The following BARD1 variants were observed in gnomAD, a reference collection of about 807,000 sequenced individuals.
BARD1 encodes the protein BRCA1 associated RING domain 1.
Under a neutral mutation model 77.0 loss-of-function variants are expected in BARD1, and 73 were observed. That is an observed-to-expected ratio of 0.95 (90% CI 0.79 to 1.15). BARD1 has a LOEUF of 1.15. Ranked by LOEUF, BARD1 falls within the 50% of genes most tolerant of loss-of-function variation. BARD1 has a pLI of 0.00. For missense variants in BARD1, 993 were observed against 938.8 expected (o/e 1.06, Z -0.75); for synonymous variants, 384 against 338.0 (o/e 1.14, Z -1.49).
chr2:214,796,876 T>C, intron 2 of BARD1, 185 bp downstream of exon 2: 1 of 604,900 alleles, frequency 1.7e-6, no homozygotes, highest in South Asian at 2.1e-5. Context: ...CTTTGAGCTT[T>C]GGTTTTCTTA....
chr2:214,756,844 G>A (rs1042272909), intron 6 of BARD1, among the ~76,000 whole-genome samples: 7 of 152,080 alleles, frequency 4.6e-5, no homozygotes, highest in African/African-American at 1.4e-4. Flanking sequence ...GTGGGAAGGT[G>A]GTGAAGGATA....
At chr2:214,751,131 ATATATATATATATATATATAT>A (rs1559392954) in intron 7 of BARD1, among the ~76,000 whole-genome samples, 7 of 35,564 alleles carry the variant, frequency 2.0e-4, no homozygotes, top group Non-Finnish European at 3.2e-4. Flanking sequence ...ATATATATAT[ATATATATATATATATATATAT>A]TTTTTTTTTT....
rs1057523211 is a variant in BARD1, at chr2:214,728,916, A to G, written c.2094T>C (p.Gly698=). 6.2e-7 allele frequency: 1 copy of G among 1,614,134 alleles called. No homozygotes were observed. The change falls in exon 11 of 11, where the codon GGT becomes GGC. Residue 698 remains glycine, a synonymous_variant. Coordinates refer to ENST00000260947, the MANE Select transcript of BARD1 (RefSeq NM_000465.4). ...GCTTTCTACTGAGGATCTGGCCCCC[A>G]CCTGCAGTGACGAGCTTAATAAGGT... ...KDNLIKLVTA[G]GGQILSRKPK... is the part of the protein sequence containing the mutation.
At chr2:214,778,614 G>T (rs771829711) in intron 4 of BARD1, among the ~76,000 whole-genome samples, 6 of 152,062 alleles carry the variant, frequency 3.9e-5, no homozygotes, top group African/African-American at 1.4e-4. Context: ...TAGACCAAGA[G>T]TAGGCAAACT....
intron 9 of BARD1, among the ~76,000 whole-genome samples, chr2:214,744,414 C>G (rs1692996745): frequency 6.6e-6 from 1 of 152,190 alleles, no homozygotes; most frequent in Non-Finnish European, 1.5e-5. Flanking sequence ...TTTCATTTCA[C>G]AGACATGTCA....
At position 214,745,162 on chromosome 2, in the gene BARD1, A is replaced by ACTGTC; in HGVS notation, c.1811-4_1811-3insGACAG. 6.2e-7 allele frequency: 1 copy of ACTGTC among 1,611,924 alleles called. No homozygotes were observed. The highest frequency in any genetic ancestry group is 8.5e-7 in the Non-Finnish European group (1 of 1,178,030). On this transcript the variant is annotated splice_region_variant and splice_polypyrimidine_tract_variant and intron_variant, in intron 8 of 10. Transcript: ENST00000260947. The stretch of plus-strand genomic sequence containing the variant: ...ACCAGGAACAACAACATGAGTTACT[A>ACTGTC]AAATACAAAAAAAGCAGTAAGAGAA...
At chr2:214,789,146 A>G (rs1246024519) in intron 3 of BARD1, among the ~76,000 whole-genome samples, 2 of 152,194 alleles carry the variant, frequency 1.3e-5, no homozygotes, top group African/African-American at 4.8e-5. Context: ...TACTACCATT[A>G]TAATTTTTTA....
intron 1 of BARD1, among the ~76,000 whole-genome samples, chr2:214,799,954 C>T (rs765018356): frequency 7.9e-5 from 12 of 152,148 alleles, no homozygotes; most frequent in South Asian, 2.1e-4. Flanking sequence ...TTCCTTCCAC[C>T]GCATTTTAAT....
intron 6 of BARD1, among the ~76,000 whole-genome samples, chr2:214,759,317 T>C (rs549267715): frequency 2.6e-5 from 4 of 152,044 alleles, no homozygotes; most frequent in Admixed American, 2.6e-4. Context: ...AAGAAGCACA[T>C]GTTATTCGCC....
rs746605476 is a variant in BARD1 at position 214,745,196 on chromosome 2, A to G, written c.1811-37T>C. The G allele has an allele frequency of 8.3e-6, 13 of 1,558,440 alleles. No homozygotes were observed. The South Asian group carries it at 1.5e-4, about 17-fold the overall frequency. ...AAAAAGCAGTAAGAGAAAGAAAGAT[A>G]CAAGCCAAAGTATTTCTTTGGCCTG... On this transcript the variant is annotated intron_variant, in intron 8 of 10. Transcript: ENST00000260947.
rs1402521170 is a variant in BARD1 at position 214,752,462 on chromosome 2, A to G, written c.1662T>C (p.Ala554=). 15 of 1,611,632 alleles carry G rather than the reference A, an allele frequency of 9.3e-6. No individual in the cohort carries two copies. The highest frequency in any genetic ancestry group is 1.3e-5 in the African/African-American group (1 of 74,976). ...LLPEKNESSS[A]SHCSVMNTGQ... ...CCATACTTACTACTGAGCAGTGGCT[A>G]GCTGAGGATGATTCATTCTTCTCTG... The change falls in exon 7 of 11, where the codon GCT becomes GCC. Residue 554 remains alanine, a synonymous_variant. Transcript: ENST00000260947.
At chr2:214,783,394 G>A (rs1695129794) in intron 3 of BARD1, among the ~76,000 whole-genome samples, 1 of 152,110 alleles carries the variant, frequency 6.6e-6, no homozygotes, top group Non-Finnish European at 1.5e-5. Context: ...AAAAAAGAAT[G>A]ACTTCATGTC....
At position 214,762,842 on chromosome 2, in the gene BARD1, T is replaced by C. The variant is rs80302559; in HGVS notation, c.1568+4640A>G. Among the ~76,000 whole-genome samples the C allele has an allele frequency of 8.5e-3, 1,295 of 152,184 alleles. 16 individuals carry two copies. The highest frequency in any genetic ancestry group is 0.029 in the African/African-American group (1,221 of 41,494). On this transcript the variant is annotated intron_variant, in intron 6 of 10. Transcript: ENST00000260947. ...ACAGTACAAAGTAAATCAAACTTCATTTGAAAGAATAAATTAATAAATATG... is the reference window on the plus strand; with the variant it reads ...ACAGTACAAAGTAAATCAAACTTCACTTGAAAGAATAAATTAATAAATATG...
At chr2:214,781,590 G>C in intron 3 of BARD1, 81 bp from the exon 4 acceptor site, 1 of 1,124,472 alleles carries the variant, frequency 8.9e-7, no homozygotes, top group Non-Finnish European at 1.3e-6. Flanking sequence ...TTTGTTTACA[G>C]TTCCCCTAAA....
At chr2:214,756,572 C>G (rs1372712237) in intron 6 of BARD1, among the ~76,000 whole-genome samples, 1 of 152,156 alleles carries the variant, frequency 6.6e-6, no homozygotes, top group African/African-American at 2.4e-5. Flanking sequence ...AAATGTGGAA[C>G]CAACCCAAAT....
At chr2:214,747,278 C>A (rs1423413604) in intron 7 of BARD1, among the ~76,000 whole-genome samples, 1 of 151,520 alleles carries the variant, frequency 6.6e-6, no homozygotes, top group Non-Finnish European at 1.5e-5. Context: ...CTAGTTCAAC[C>A]TTTGTGGAAG....
Position 214,728,821 on chromosome 2 carries a change from T to G in BARD1, c.2189A>C (p.Gln730Pro), listed in dbSNP as rs876658253. Residue 730 changes from glutamine (Q) to proline (P), a missense_variant, in exon 11 of 11, where the codon CAG (glutamine) becomes CCG (proline). Gln to Pro is a moderately conservative substitution (Grantham distance 76). Transcript: ENST00000260947. Reference protein sequence around the residue: ...VAYHARPDSDQRFCTQYIIYE... With the variant: ...VAYHARPDSDPRFCTQYIIYE... ...GATGATATACTGTGTGCAGAAGCGC[T>G]GATCAGAATCGGGTCTCGCATGGTA... 1.9e-6 allele frequency: 3 copies of G among 1,614,238 alleles called. No homozygotes were observed. The highest frequency in any genetic ancestry group is 1.7e-6 in the Non-Finnish European group (2 of 1,180,042).
rs180920340 is a variant in BARD1 at position 214,795,784 on chromosome 2, C to G, written c.215+1277G>C. ...ACCATTTACTGTGATGAAGATTACC[C>G]AGGCAGGAAAAGGCTGAAGAGGAGG... is the stretch of plus-strand genomic sequence containing the variant. On this transcript the variant is annotated intron_variant, in intron 2 of 10. Coordinates refer to ENST00000260947, the MANE Select transcript of BARD1 (RefSeq NM_000465.4). 5.3e-3 allele frequency among the ~76,000 whole-genome samples: 801 copies of G among 152,222 alleles called. 12 individuals are homozygous for G. Among genetic ancestry groups the G allele is most frequent in the South Asian group, 0.037 (178 of 4,830 alleles).
chr2:214,808,069 G>C (rs6757091), intron 1 of BARD1, among the ~76,000 whole-genome samples: 83,178 of 152,190 alleles, frequency 0.55, 24,247 homozygotes, highest in East Asian at 0.8. Context: ...TTTCGTCAAA[G>C]AAAATATAAG....
Sources: allele counts gnomAD v4.1 joint callset (sites outside exome capture counted in the v4.1 genomes callset), GRCh38; gene constraint gnomAD v4.1.1; transcripts MANE v1.5; gene names NCBI Gene and HGNC (gene_info 2026-07-23, HGNC 2026-07-21).